Variants in BRD4 observed in about 807,000 individuals in gnomAD.
BRD4 encodes bromodomain containing 4.
BRD4 carries 16 observed loss-of-function variants against 142.1 expected under a neutral mutation model. The ratio of observed to expected loss-of-function variants is 0.11; its 90% CI spans 0.08 to 0.17. The LOEUF (loss-of-function observed/expected upper bound fraction) is 0.17, where lower values mean the gene tolerates loss of function less well. BRD4 is among the 10% of genes least tolerant of loss of function. The pLI, the probability that BRD4 is intolerant of heterozygous loss-of-function variation, is 1.00. For missense variants in BRD4, 1,424 were observed against 1,810.9 expected, an observed-to-expected ratio of 0.79 and a Z score of 3.88; for synonymous variants, 833 against 707.5, an observed-to-expected ratio of 1.18 and a Z score of -2.82.
chr19:15,246,379 G>A (rs1266952369), intron 11 of BRD4: 3 of 152,330 alleles, frequency 2.0e-5, no homozygotes, highest in Non-Finnish European at 4.4e-5. Flanking sequence ...CTTCTCTCCT[G>A]GCACAAGGAG....
At chr19:15,297,117 T>C (rs544573609) in intron 1 of BRD4, among the ~76,000 whole-genome samples, 6 of 152,290 alleles carry the variant, frequency 3.9e-5, no homozygotes, top group South Asian at 4.2e-4. Context: ...TTCTAACAGA[T>C]AGACGTTTAA....
chr19:15,298,097 T>C (rs1343308704), intron 1 of BRD4, among the ~76,000 whole-genome samples: 1 of 152,268 alleles, frequency 6.6e-6, no homozygotes, highest in Non-Finnish European at 1.5e-5. Context: ...CCTCTGTGCC[T>C]GCCTCTGCAG....
chr19:15,280,502 C>T, intron 1 of BRD4: 1 of 949,852 alleles, frequency 1.1e-6, no homozygotes, highest in Non-Finnish European at 1.3e-6. Context: ...CAGCACCTGG[C>T]CATCTGCTTA....
At position 15,238,787 on chromosome 19, in the gene BRD4, C is replaced by G; in HGVS notation, c.3976G>C (p.Glu1326Gln). Residue 1326 changes from glutamate (E) to glutamine (Q), a missense_variant, in exon 19 of 20, where the codon GAG becomes CAG. Physicochemically the swap from Glu to Gln is conservative, Grantham distance 29. Around this residue, in one of 16 missense-constraint regions of BRD4, gnomAD observed 109 missense variants for 117.9 expected, o/e 0.92. Coordinates refer to ENST00000679869, the MANE Select transcript of BRD4 (RefSeq NM_001379291.1). The surrounding 1 kb of genome is among the most constrained non-coding windows in gnomAD (Gnocchi z 7.2). ...QPQSMLDQQR[E>Q]LARKREQERR... The stretch of plus-strand genomic sequence containing the variant: ...TCCTGCTCCCGCTTCCGGGCCAACT[C>G]CCTCTGCTGGTCCAGCATGGACTGG... 1 of 1,588,654 alleles carries G rather than the reference C, an allele frequency of 6.3e-7. No homozygotes were observed. Among genetic ancestry groups the G allele is most frequent in the Non-Finnish European group, 8.6e-7 (1 of 1,163,854 alleles).
At chr19:15,264,815 C>T (rs1386082772) in intron 5 of BRD4, 49 bp from the exon 6 acceptor site, 1 of 1,556,602 alleles carries the variant, frequency 6.4e-7, no homozygotes. Flanking sequence ...TGGCAGCCGG[C>T]ACAGCTGCCC....
At chr19:15,247,941 C>G (rs1294808822) in intron 11 of BRD4, 3 of 224,550 alleles carry the variant, frequency 1.3e-5, no homozygotes, top group African/African-American at 2.2e-5. Flanking sequence ...GCAGTTGCAG[C>G]TGCTCAAGCC....
At chr19:15,267,598 C>T in intron 3 of BRD4, 47 bp from the exon 4 acceptor site, 1 of 1,599,508 alleles carries the variant, frequency 6.3e-7, no homozygotes, top group Non-Finnish European at 8.5e-7. Context: ...CTCCCCTCCC[C>T]ACCTCTGTAG....
chr19:15,270,717 A>G (rs2047577799), intron 2 of BRD4, among the ~76,000 whole-genome samples: 2 of 152,136 alleles, frequency 1.3e-5, no homozygotes, highest in African/African-American at 4.8e-5. Context: ...GAAAACAGAC[A>G]AGGAATACTT....
In BRD4 at chr19:15,243,308, G is replaced by C; in HGVS notation, c.2761C>G (p.Pro921Ala). The change falls in exon 14 of 20, where the codon CCA becomes GCA. Residue 921 changes from proline (P) to alanine (A), a missense_variant. Physicochemically the swap from Pro to Ala is conservative, Grantham distance 27. This residue lies in a region of BRD4 where 598 missense variants were observed against 647.8 expected (regional missense o/e 0.92). Coordinates refer to ENST00000679869, the MANE Select transcript of BRD4 (RefSeq NM_001379291.1). ...VLLEDEEPPA[P>A]PLTSMQMQLY... ...TGCATCTGCATGGAGGTGAGGGGTG[G>C]GGCAGGTGGCTCTTCATCCTCCAGC... The C allele has an allele frequency of 6.8e-7, 1 of 1,469,766 alleles. No individual in the cohort carries two copies. The highest frequency in any genetic ancestry group is 9.0e-7 in the Non-Finnish European group (1 of 1,108,258). The allele number at this position is 1,469,766 out of a possible 1,614,324, so 91.0% of individuals were successfully genotyped here.
chr19:15,284,052 C>A (rs968887693), intron 1 of BRD4, among the ~76,000 whole-genome samples: 2 of 152,124 alleles, frequency 1.3e-5, no homozygotes, highest in African/African-American at 4.8e-5. Context: ...GGTATCAAAG[C>A]CTGGGTATCT....
At chr19:15,291,370 T>G (rs1489074309) in intron 1 of BRD4, among the ~76,000 whole-genome samples, 1 of 152,198 alleles carries the variant, frequency 6.6e-6, no homozygotes, top group African/African-American at 2.4e-5. Flanking sequence ...CAAAGACATC[T>G]GCCCTTGTGG....
At chr19:15,316,155 C>T (rs1251056514) in intron 1 of BRD4, among the ~76,000 whole-genome samples, 2 of 33,054 alleles carry the variant, frequency 6.1e-5, no homozygotes, top group African/African-American at 2.3e-4. Context: ...GACACCGTCT[C>T]AAAAAAAAAA....
At chr19:15,324,042 A>G (rs1392897798) in intron 1 of BRD4, among the ~76,000 whole-genome samples, 2 of 152,174 alleles carry the variant, frequency 1.3e-5, no homozygotes, top group Non-Finnish European at 2.9e-5. Context: ...TCAAGGCCAG[A>G]AGGGGGTGGG....
intron 1 of BRD4, among the ~76,000 whole-genome samples, chr19:15,305,921 A>G (rs1354834614): frequency 6.6e-6 from 1 of 152,208 alleles, no homozygotes; most frequent in African/African-American, 2.4e-5. Context: ...TTCACCTTGC[A>G]CTTTTATGTT....
chr19:15,268,659 C>A (rs1367681576), intron 3 of BRD4, among the ~76,000 whole-genome samples: 1 of 152,148 alleles, frequency 6.6e-6, no homozygotes, highest in African/African-American at 2.4e-5. Context: ...GAAGCACATG[C>A]TTCAGGCTAA....
rs1178645847 is a variant in BRD4 at position 15,254,003 on chromosome 19, C to T, written c.2158+149G>A. The T allele has an allele frequency of 6.8e-6, 5 of 734,342 alleles. No individual in the cohort carries two copies. In the African/African-American group the frequency reaches 8.7e-5, roughly 13 times the overall value. 45.5% of individuals were successfully genotyped at this position (734,342 alleles called of 1,614,324 possible). A position where few individuals can be genotyped will look rare whatever the true frequency, so the allele number is the denominator to read the frequency against. On this transcript the variant is annotated intron_variant, in intron 11 of 19. Transcript: ENST00000679869. ...AGGGCTATTCATGGCCCCAGGGAGA[C>T]AGTTAACAAAGAGACAGACAGACAG...
intron 11 of BRD4, among the ~76,000 whole-genome samples, chr19:15,251,324 C>T (rs1313721207): frequency 6.7e-6 from 1 of 150,204 alleles, no homozygotes; most frequent in Non-Finnish European, 1.5e-5. Context: ...CATTCGTTTT[C>T]TTCTGGTGAT....
rs1252813939 is a variant in BRD4 at position 15,243,348 on chromosome 19, T to C, written c.2721A>G (p.Gln907=). The C allele has an allele frequency of 9.2e-7, 1 of 1,088,194 alleles. No homozygotes were observed. The allele number at this position is 1,088,194 out of a possible 1,614,324, so 67.4% of individuals were successfully genotyped here. ...TPLLPQPPMA[Q]PPQVLLEDEE... ...CATCCTCCAGCAGCACTTGGGGGGG[T>C]TGGGCCATGGGGGGCTGTGGGAGCA... The change falls in exon 14 of 20, where the codon CAA becomes CAG. Residue 907 remains glutamine, a synonymous_variant. Transcript: ENST00000679869.
intron 1 of BRD4, among the ~76,000 whole-genome samples, chr19:15,326,338 G>A (rs1176680119): frequency 1.3e-5 from 2 of 151,480 alleles, no homozygotes; most frequent in Non-Finnish European, 2.9e-5. Context: ...GCAGCATGGG[G>A]CGCCTGTAGT....
Sources: gnomAD v4.1 joint callset for allele counts (sites outside exome capture counted in the v4.1 genomes callset) on GRCh38, gnomAD v4.1.1 for gene constraint, gnomAD v4.1.1 regional missense constraint, Gnocchi (gnomAD v3.1) non-coding constraint, MANE v1.5 for transcripts, NCBI Gene and HGNC (gene_info 2026-07-23, HGNC 2026-07-21) for gene names.